Variants in COL27A1 observed in about 807,000 individuals in gnomAD.
COL27A1 encodes the protein collagen alpha-1(XXVII) chain.
Under a neutral mutation model 251.3 loss-of-function variants are expected in COL27A1, and 106 were observed. That is an observed-to-expected ratio of 0.42 (90% CI 0.36 to 0.50). The LOEUF (loss-of-function observed/expected upper bound fraction) is 0.50. COL27A1 is among the 20% of genes least tolerant of loss of function. The probability of loss-of-function intolerance (pLI) is 0.00; values close to 1 mark genes in which losing one functional copy is unlikely to be tolerated. For synonymous variants in COL27A1, 1,000 were observed against 986.3 expected (o/e 1.01, Z -0.26); for missense variants, 2,325 against 2,522.8 (o/e 0.92, Z 1.68).
intron 12 of COL27A1, chr9:114,217,978 G>A (rs1234505808): frequency 5.4e-6 from 2 of 372,598 alleles, no homozygotes; most frequent in Non-Finnish European, 1.1e-5. Flanking sequence ...GCCAGGTGTA[G>A]TGGTGTGCAT....
At chr9:114,239,442 G>A (rs1313161205) in intron 19 of COL27A1, among the ~76,000 whole-genome samples, 2 of 152,238 alleles carry the variant, frequency 1.3e-5, no homozygotes, top group Non-Finnish European at 2.9e-5. Context: ...CTGAGGCCCA[G>A]AGAGGCTAAG....
chr9:114,277,127 G>A (rs1013319230), intron 37 of COL27A1, among the ~76,000 whole-genome samples: 10 of 152,122 alleles, frequency 6.6e-5, no homozygotes, highest in Non-Finnish European at 1.5e-5. Context: ...TTTGAGTGTC[G>A]CAAATACTGG....
intron 1 of COL27A1, among the ~76,000 whole-genome samples, chr9:114,161,171 C>CA (rs1848472741): frequency 1.3e-5 from 2 of 152,144 alleles, no homozygotes; most frequent in South Asian, 4.2e-4. Context: ...CTTATGTGCC[C>CA]AAAATGACTG....
At chr9:114,217,442 G>C (rs1387613790) in intron 12 of COL27A1, among the ~76,000 whole-genome samples, 1 of 151,136 alleles carries the variant, frequency 6.6e-6, no homozygotes, top group Non-Finnish European at 1.5e-5. Flanking sequence ...GCCTGGAATG[G>C]CCTCTGAATG....
At chr9:114,269,333 G>C in intron 35 of COL27A1, 39 bp downstream of exon 35, 1 of 1,497,800 alleles carries the variant, frequency 6.7e-7, no homozygotes, top group Non-Finnish European at 9.2e-7. Context: ...AAGCCCCCAG[G>C]GTGTGTGGGT....
intron 3 of COL27A1, 27 bp downstream of exon 3, chr9:114,169,490 G>A: frequency 1.3e-6 from 2 of 1,485,454 alleles, no homozygotes; most frequent in Non-Finnish European, 1.8e-6. Flanking sequence ...TCTGCATGCT[G>A]CTTGGAGCTC....
rs1177695379 is a variant in COL27A1 at position 114,280,125 on chromosome 9, A to G, written c.3718-2152A>G. ...TTGATCTGTATTTAGATTTCATAAAATTTACAGTTGACAATGTAGGTTCAT... is the reference window on the plus strand; with the variant it reads ...TTGATCTGTATTTAGATTTCATAAAGTTTACAGTTGACAATGTAGGTTCAT... On this transcript the variant is annotated intron_variant, in intron 37 of 60. Coordinates refer to ENST00000356083, the MANE Select transcript of COL27A1 (RefSeq NM_032888.4). Among the ~76,000 whole-genome samples the G allele has an allele frequency of 2.0e-5, 3 of 152,208 alleles. No homozygotes were observed. In the East Asian group the frequency reaches 5.8e-4, roughly 29 times the overall value.
chr9:114,246,022 A>G, intron 24 of COL27A1, 112 bp downstream of exon 24: 2 of 910,440 alleles, frequency 2.2e-6, no homozygotes, highest in South Asian at 3.2e-5. Context: ...TCTCAGAACA[A>G]CTCCAGAGGT....
intron 5 of COL27A1, among the ~76,000 whole-genome samples, chr9:114,190,686 A>T (rs551428692): frequency 1.3e-5 from 2 of 152,326 alleles, no homozygotes; most frequent in East Asian, 3.9e-4. Context: ...TATTCACCAT[A>T]GTTCCCATTC....
chr9:114,254,953 G>A (rs1379712256), intron 27 of COL27A1, among the ~76,000 whole-genome samples: 1 of 152,202 alleles, frequency 6.6e-6, no homozygotes, highest in East Asian at 1.9e-4. Flanking sequence ...AGGTAGAGGG[G>A]TGGACTAGTC....
intron 56 of COL27A1, among the ~76,000 whole-genome samples, chr9:114,303,096 C>A (rs909212910): frequency 6.6e-6 from 1 of 152,086 alleles, no homozygotes; most frequent in African/African-American, 2.4e-5. Context: ...GTAAGAAAGG[C>A]AGGGAAAGGA....
intron 12 of COL27A1, among the ~76,000 whole-genome samples, chr9:114,217,196 C>T (rs1830767616): frequency 1.3e-5 from 2 of 152,296 alleles, no homozygotes; most frequent in Non-Finnish European, 2.9e-5. Context: ...GAGGTTACTC[C>T]CCTCCAGAAA....
intron 59 of COL27A1, among the ~76,000 whole-genome samples, chr9:114,308,431 T>G (rs181234031): frequency 6.6e-6 from 1 of 152,348 alleles, no homozygotes; most frequent in Non-Finnish European, 1.5e-5. Flanking sequence ...AGATGCCTTG[T>G]GCTGACTGGG....
At position 114,250,623 on chromosome 9, in the gene COL27A1, G is replaced by A. The variant is rs143876527; in HGVS notation, c.2988G>A (p.Met996Ile). Residue 996 changes from methionine (M) to isoleucine (I), a missense_variant, in exon 25 of 61, where the codon ATG becomes ATA. Met to Ile is a conservative substitution (Grantham distance 10). Transcript: ENST00000356083. ...GGGAATGTGTCTCATAGGGATTTAT[G>A]GGATTCATTGGTCTGGTCGGGGAGC... ...RPGPVGEQGFMGFIGLVGEPG... is the reference protein window; with the variant it reads ...RPGPVGEQGFIGFIGLVGEPG... The A allele has an allele frequency of 3.9e-3, 6,292 of 1,611,886 alleles. 21 individuals carry two copies. Among genetic ancestry groups the A allele is most frequent in the Non-Finnish European group, 5.0e-3 (5,906 of 1,178,104 alleles).
At position 114,242,240 on chromosome 9, in the gene COL27A1, C is replaced by T. The variant is rs985524959; in HGVS notation, c.2880+9C>T. On this transcript the variant is annotated intron_variant, in intron 22 of 60. Transcript: ENST00000356083. ...GGGCCCCTGGCTTGGAGGTGAGTGT[C>T]ACTGGCCTGGGGTAGGTGGCATTCA... is the stretch of plus-strand genomic sequence containing the variant. 6 of 1,607,976 alleles carry T rather than the reference C, an allele frequency of 3.7e-6. No homozygotes were observed. Among genetic ancestry groups the T allele is most frequent in the Non-Finnish European group, 5.1e-6 (6 of 1,177,520 alleles).
chr9:114,190,068 G>A (rs1441711656), intron 5 of COL27A1, among the ~76,000 whole-genome samples: 2 of 152,224 alleles, frequency 1.3e-5, no homozygotes, highest in Non-Finnish European at 1.5e-5. Flanking sequence ...GAGAGGCCTA[G>A]TGAAAATTCA....
rs1827962719 is a variant in COL27A1 at position 114,292,127 on chromosome 9, C to T, written c.4501C>T (p.Leu1501=). 1.9e-6 allele frequency: 3 copies of T among 1,559,234 alleles called. No individual in the cohort carries two copies. Residue 1501 remains leucine, a synonymous_variant, in exon 49 of 61, where the codon CTG becomes TTG. Transcript: ENST00000356083. The part of the protein sequence containing the change: ...FKGESGLPGQ[L]GPPGKRGTEG... ...GGGTGAGAGTGGGTTACCCGGACAG[C>T]TGGGTCCCCCTGGCAAGCGAGGAAC...
intron 5 of COL27A1, among the ~76,000 whole-genome samples, chr9:114,192,380 G>C (rs1399230177): frequency 6.6e-6 from 1 of 152,188 alleles, no homozygotes; most frequent in Non-Finnish European, 1.5e-5. Context: ...AAAAGGCATT[G>C]AGCTGGGCTT....
At chr9:114,255,241 G>T (rs1427062109) in intron 27 of COL27A1, among the ~76,000 whole-genome samples, 1 of 152,192 alleles carries the variant, frequency 6.6e-6, no homozygotes, top group East Asian at 1.9e-4. Flanking sequence ...CAGCATTCTG[G>T]TCAGGGGGCT....
Sources: gnomAD v4.1 joint callset for allele counts (sites outside exome capture counted in the v4.1 genomes callset) on GRCh38, gnomAD v4.1.1 for gene constraint, MANE v1.5 for transcripts, NCBI Gene and HGNC (gene_info 2026-07-23, HGNC 2026-07-21) for gene names.